Variants in TFAP4 observed in about 807,000 individuals in gnomAD.
TFAP4 encodes the protein transcription factor AP-4.
Under a neutral mutation model 40.4 loss-of-function variants are expected in TFAP4, and 7 were observed. That is an observed-to-expected ratio of 0.17 (90% confidence interval 0.10 to 0.33). The LOEUF (loss-of-function observed/expected upper bound fraction) is 0.33, where lower values mean the gene tolerates loss of function less well. Ranked by LOEUF, TFAP4 falls within the 10% of genes least tolerant of loss-of-function variation. The pLI is 1.00. For synonymous variants in TFAP4, 218 were observed against 181.4 expected, an observed-to-expected ratio of 1.20 and a Z score of -1.62; for missense variants, 374 against 451.1, an observed-to-expected ratio of 0.83 and a Z score of 1.55.
Position 4,257,875 on chromosome 16 carries a change from A to C in TFAP4, c.*180T>G. 23 of 609,332 alleles carry C rather than the reference A, an allele frequency of 3.8e-5. No homozygotes were observed. Among genetic ancestry groups the C allele is most frequent in the East Asian group, 6.6e-5 (2 of 30,504 alleles). 37.7% of individuals were successfully genotyped at this position (609,332 alleles called of 1,614,324 possible). A position where few individuals can be genotyped will look rare whatever the true frequency, so the allele number is the denominator to read the frequency against. On this transcript the variant is annotated 3_prime_UTR_variant, in exon 7 of 7. Transcript: ENST00000204517. Reference sequence around the variant, plus strand: ...CGCTCTGCGACACCCCAGCCCCGGGACCTCGGGTTGAGTGGCTTCGTTCAA... The same window carrying C: ...CGCTCTGCGACACCCCAGCCCCGGGCCCTCGGGTTGAGTGGCTTCGTTCAA...
intron 1 of TFAP4, among the ~76,000 whole-genome samples, chr16:4,272,397 G>A (rs1405180320): frequency 1.3e-5 from 2 of 152,110 alleles, no homozygotes; most frequent in Non-Finnish European, 2.9e-5. Context: ...ACGTGGGTCT[G>A]TTTGCAATTT....
chr16:4,258,364 G>C, intron 6 of TFAP4, 115 bp from the exon 7 acceptor site: 1 of 1,052,170 alleles, frequency 9.5e-7, no homozygotes, highest in South Asian at 1.6e-5. Flanking sequence ...CCAGAAAAAA[G>C]CCTGGCAAAG....
At chr16:4,262,743 T>C in intron 1 of TFAP4, 42 bp from the exon 2 acceptor site, 2 of 1,590,634 alleles carry the variant, frequency 1.3e-6, no homozygotes, top group Non-Finnish European at 1.7e-6. Flanking sequence ...AGGCGCCCTC[T>C]TCATCATTCA....
intron 1 of TFAP4, among the ~76,000 whole-genome samples, chr16:4,270,605 C>T (rs906891251): frequency 2.0e-5 from 3 of 152,346 alleles, no homozygotes; most frequent in East Asian, 1.9e-4. Context: ...CAACCCTGGA[C>T]GAAGGCCCTA....
In TFAP4 at chr16:4,272,769, C is replaced by T. The variant is rs763985479; in HGVS notation, c.-23G>A. 6.2e-7 allele frequency: 1 copy of T among 1,609,160 alleles called. No homozygotes were observed. Among genetic ancestry groups the T allele is most frequent in the South Asian group, 1.1e-5 (1 of 90,806 alleles). ...CATAGCGATCGGCCCCCCTCCTCTG[C>T]ACGAGCCAGGTCCCGCGATCAGCCG... On this transcript the variant is annotated 5_prime_UTR_variant, in exon 1 of 7. Transcript: ENST00000204517.
At chr16:4,271,692 AG>A (rs2053041972) in intron 1 of TFAP4, among the ~76,000 whole-genome samples, 1 of 152,100 alleles carries the variant, frequency 6.6e-6, no homozygotes, top group Non-Finnish European at 1.5e-5. Context: ...GGTTTACGGC[AG>A]GGGGGAGGGG....
intron 2 of TFAP4, 32 bp from the exon 3 acceptor site, chr16:4,262,454 G>A (rs1385115412): frequency 1.1e-5 from 18 of 1,613,706 alleles, no homozygotes; most frequent in Non-Finnish European, 1.3e-5. Context: ...GAGTCAGGCT[G>A]GCAGTGTTTA....
chr16:4,262,715 C>G lies in TFAP4; in HGVS notation c.90-14G>C. ...ATGTTGGCAAGGCTGCCAGAGAGGACAGGGACAGGCTCGGCCAAGGCGCCC... is the reference window on the plus strand; with the variant it reads ...ATGTTGGCAAGGCTGCCAGAGAGGAGAGGGACAGGCTCGGCCAAGGCGCCC... On this transcript the variant is annotated splice_polypyrimidine_tract_variant and intron_variant, in intron 1 of 6. Coordinates refer to ENST00000204517, the MANE Select transcript of TFAP4 (RefSeq NM_003223.3). The G allele has an allele frequency of 6.2e-7, 1 of 1,605,546 alleles. No individual in the cohort carries two copies. The highest frequency in any genetic ancestry group is 1.1e-5 in the South Asian group (1 of 91,044).
Position 4,271,012 on chromosome 16 carries a change from T to C in TFAP4, c.89+1646A>G, listed in dbSNP as rs141342100. Among the ~76,000 whole-genome samples, 419 of 152,390 alleles carry C rather than the reference T, an allele frequency of 2.7e-3. 5 individuals are homozygous for C. The highest frequency in any genetic ancestry group is 9.5e-3 in the African/African-American group (396 of 41,608). The stretch of plus-strand genomic sequence containing the variant: ...TTATGACAACTCAGTGAGAAAATTC[T>C]AGCAAAGTGAGTCCCCAGAACATAA... On this transcript the variant is annotated intron_variant, in intron 1 of 6. Coordinates refer to ENST00000204517, the MANE Select transcript of TFAP4 (RefSeq NM_003223.3).
intron 1 of TFAP4, among the ~76,000 whole-genome samples, chr16:4,271,181 A>G (rs571917695): frequency 1.7e-4 from 26 of 152,372 alleles, no homozygotes; most frequent in South Asian, 4.1e-4. Context: ...ACTTCAGAGT[A>G]GCCTTAAGGT....
At chr16:4,272,163 G>T (rs1359720829) in intron 1 of TFAP4, among the ~76,000 whole-genome samples, 1 of 150,232 alleles carries the variant, frequency 6.7e-6, no homozygotes, top group Non-Finnish European at 1.5e-5. Context: ...CACAGTGCCC[G>T]GCTCCCCGCC....
chr16:4,272,176 C>G (rs989925750), intron 1 of TFAP4, among the ~76,000 whole-genome samples: 5 of 151,810 alleles, frequency 3.3e-5, no homozygotes, highest in Admixed American at 6.6e-5. Context: ...TCCCCGCCCC[C>G]ACCCCGCGCC....
At chr16:4,269,107 C>A (rs544538850) in intron 1 of TFAP4, among the ~76,000 whole-genome samples, 1 of 152,028 alleles carries the variant, frequency 6.6e-6, no homozygotes, top group Non-Finnish European at 1.5e-5. Context: ...AGGCTGGTCT[C>A]GAACTCCTGG....
chr16:4,272,655 C>T lies in TFAP4; in HGVS notation c.89+3G>A. 6.2e-7 allele frequency: 1 copy of T among 1,610,366 alleles called. No homozygotes were observed. The highest frequency in any genetic ancestry group is 8.5e-7 in the Non-Finnish European group (1 of 1,177,928). On this transcript the variant is annotated splice_donor_region_variant and intron_variant, in intron 1 of 6. Coordinates refer to ENST00000204517, the MANE Select transcript of TFAP4 (RefSeq NM_003223.3). ...AGGGGGTGGGGGGAGGAGGAGTACA[C>T]ACCTACAGAGCCCTCCTATCACTTC...
intron 1 of TFAP4, among the ~76,000 whole-genome samples, chr16:4,272,198 C>T (rs1470758194): frequency 6.6e-6 from 1 of 151,524 alleles, no homozygotes; most frequent in Admixed American, 6.6e-5. Flanking sequence ...GGAGCCGCGG[C>T]ATGGCTGCAT....
chr16:4,269,425 C>T (rs980669208), intron 1 of TFAP4, among the ~76,000 whole-genome samples: 3 of 139,972 alleles, frequency 2.1e-5, no homozygotes, highest in Admixed American at 7.5e-5. Flanking sequence ...CCCGGGAGGC[C>T]GAGCTTGCAG....
At chr16:4,266,080 A>G (rs1262395400) in intron 1 of TFAP4, 1 of 152,360 alleles carries the variant, frequency 6.6e-6, no homozygotes, top group Non-Finnish European at 1.5e-5. Flanking sequence ...GCTGACCCTC[A>G]GCCTCTTCCG....
Position 4,272,950 on chromosome 16 carries a change from G to GTGTC in TFAP4, c.-205_-204insGACA. The GTGTC allele has an allele frequency of 2.4e-6, 1 of 417,840 alleles. No individual in the cohort carries two copies. The highest frequency in any genetic ancestry group is 2.1e-5 in the South Asian group (1 of 46,864). The allele number at this position is 417,840 out of a possible 1,614,324, so 25.9% of individuals were successfully genotyped here. A position where few individuals can be genotyped will look rare whatever the true frequency, so the allele number is the denominator to read the frequency against. ...CTCTCCGGCCTGCCTCCCCGGGCGTGTGTATGTGTGTGTGTGTGTGTGTGT... is the reference window on the plus strand; with the variant it reads ...CTCTCCGGCCTGCCTCCCCGGGCGTGTGTCTGTATGTGTGTGTGTGTGTGTGTGT... On this transcript the variant is annotated 5_prime_UTR_variant, in exon 1 of 7. Coordinates refer to ENST00000204517, the MANE Select transcript of TFAP4 (RefSeq NM_003223.3).
At chr16:4,258,421 C>CT (rs920584852) in intron 6 of TFAP4, 172 bp from the exon 7 acceptor site, 408 of 583,912 alleles carry the variant, frequency 7.0e-4, no homozygotes, top group Middle Eastern at 1.4e-3. Flanking sequence ...ACTCCTTTTA[C>CT]TTTTTTTTTG....
Sources: gnomAD v4.1 joint callset for allele counts (sites outside exome capture counted in the v4.1 genomes callset) on GRCh38, gnomAD v4.1.1 for gene constraint, MANE v1.5 for transcripts, NCBI Gene and HGNC (gene_info 2026-07-23, HGNC 2026-07-21) for gene names.